Variants in TMCO5A observed in about 807,000 individuals in gnomAD.
TMCO5A encodes transmembrane and coiled-coil domain-containing protein 5A.
A neutral mutation model predicts 42.3 loss-of-function variants in TMCO5A; 34 were observed. The observed-to-expected ratio is 0.80, with a 90% confidence interval of 0.61 to 1.07. The LOEUF (loss-of-function observed/expected upper bound fraction) is 1.07. Ranked by LOEUF, TMCO5A falls within the 50% of genes least tolerant of loss-of-function variation. The probability of loss-of-function intolerance (pLI) is 0.00; values close to 1 mark genes in which losing one functional copy is unlikely to be tolerated. For synonymous variants in TMCO5A, 131 were observed against 115.6 expected, an observed-to-expected ratio of 1.13 and a Z score of -0.86; for missense variants, 357 against 327.9, an observed-to-expected ratio of 1.09 and a Z score of -0.69.
At chr15:37,977,879 TG>T in the TMCO5A span, among the ~76,000 whole-genome samples, 1 of 152,072 alleles carries the variant, frequency 6.6e-6, no homozygotes, top group African/African-American at 2.4e-5. Context: ...GGGCTTAACC[TG>T]GGGGCCCTGT....
At chr15:38,005,319 T>C in the TMCO5A span, among the ~76,000 whole-genome samples, 28 of 126,420 alleles carry the variant, frequency 2.2e-4, 1 homozygote, top group Middle Eastern at 5.7e-3. Flanking sequence ...CTTATGCCTA[T>C]AATCCCAGTT....
rs1215727847 is a variant in TMCO5A at position 37,966,923 on chromosome 15, G to A, written c.*280G>A. Reference sequence around the variant, plus strand: ...GGGAATGACCTAAACTATATGAAATGCATTTCTCCCACTAAAAGGGGCTCA... The same window carrying A: ...GGGAATGACCTAAACTATATGAAATACATTTCTCCCACTAAAAGGGGCTCA... On this transcript the variant is annotated 3_prime_UTR_variant, in exon 12 of 12. Transcript: ENST00000559502. The A allele has an allele frequency of 8.6e-6, 4 of 466,192 alleles. No individual in the cohort carries two copies. In the East Asian group the frequency reaches 1.3e-4, roughly 16 times the overall value. The allele number at this position is 466,192 out of a possible 1,614,324, so 28.9% of individuals were successfully genotyped here.
the TMCO5A span, among the ~76,000 whole-genome samples, chr15:38,012,769 G>A: frequency 6.6e-5 from 10 of 152,148 alleles, no homozygotes; most frequent in East Asian, 1.9e-4. Flanking sequence ...TTCTTTCTTC[G>A]GCTTCCTGTC....
Position 37,959,056 on chromosome 15 carries a change from G to A in TMCO5A, c.669-7569G>A, listed in dbSNP as rs560716079. Among the ~76,000 whole-genome samples the A allele has an allele frequency of 3.3e-5, 5 of 152,130 alleles. No individual in the cohort carries two copies. In the South Asian group the frequency reaches 1.0e-3, roughly 32 times the overall value. On this transcript the variant is annotated intron_variant, in intron 11 of 11. Coordinates refer to the TMCO5A transcript ENST00000559502. Reference sequence around the variant, plus strand: ...ACACCATATGTTCTCACTCATAAGTGGGAGTTGAACAAGAGAACACATGGA... The same window carrying A: ...ACACCATATGTTCTCACTCATAAGTAGGAGTTGAACAAGAGAACACATGGA...
the TMCO5A span, among the ~76,000 whole-genome samples, chr15:37,991,763 T>A: frequency 1.4e-3 from 218 of 152,268 alleles, no homozygotes; most frequent in Middle Eastern, 3.4e-3. Context: ...GGGAAAGGAC[T>A]CCCTATTCAA....
downstream of TMCO5A, among the ~76,000 whole-genome samples, chr15:37,968,032 G>C (rs1260478925): frequency 6.6e-6 from 1 of 152,186 alleles, no homozygotes; most frequent in Admixed American, 6.5e-5. Context: ...AGGATGTATT[G>C]TTACCTTCTA....
At chr15:37,954,612 G>C (rs187547989), downstream of TMCO5A, among the ~76,000 whole-genome samples, 63 of 152,052 alleles carry the variant, frequency 4.1e-4, no homozygotes, top group East Asian at 0.012. Context: ...TTATCTGAAG[G>C]TACAAAACTA....
At chr15:38,002,228 C>CA in the TMCO5A span, among the ~76,000 whole-genome samples, 1 of 148,876 alleles carries the variant, frequency 6.7e-6, no homozygotes, top group Non-Finnish European at 1.5e-5. Flanking sequence ...TTTCCTTCTG[C>CA]ATGTTACTTA....
the TMCO5A span, chr15:37,994,667 G>A: frequency 3.9e-5 from 6 of 152,154 alleles, no homozygotes; most frequent in African/African-American, 1.4e-4. Context: ...TGCCTACAGA[G>A]GAAAGCTTCA....
At chr15:37,941,559 A>G in intron 7 of TMCO5A, 112 bp from the exon 8 acceptor site, 1 of 826,910 alleles carries the variant, frequency 1.2e-6, no homozygotes, top group Non-Finnish European at 2.0e-6. Context: ...AAACATATTT[A>G]GAACAATTAG....
At chr15:37,944,934 G>C (rs1889886205) in intron 10 of TMCO5A, among the ~76,000 whole-genome samples, 1 of 152,022 alleles carries the variant, frequency 6.6e-6, no homozygotes, top group Non-Finnish European at 1.5e-5. Context: ...AGGTAAACGT[G>C]TGCCATGGTG....
At chr15:37,973,774 A>C in the TMCO5A span, among the ~76,000 whole-genome samples, 2 of 152,128 alleles carry the variant, frequency 1.3e-5, no homozygotes, top group African/African-American at 4.8e-5. Flanking sequence ...CTCTTGCCTG[A>C]TTGCTCTGGC....
chr15:38,032,232 G>A, the TMCO5A span, among the ~76,000 whole-genome samples: 4 of 152,192 alleles, frequency 2.6e-5, no homozygotes, highest in Non-Finnish European at 5.9e-5. Context: ...TGGGATTACA[G>A]GCATGAGCCA....
chr15:37,970,200 G>A (rs889738271), downstream of TMCO5A, among the ~76,000 whole-genome samples: 3 of 152,216 alleles, frequency 2.0e-5, no homozygotes, highest in Non-Finnish European at 4.4e-5. Flanking sequence ...ACAAAAGAAG[G>A]AGGCTTATTG....
At chr15:37,975,133 T>C in the TMCO5A span, among the ~76,000 whole-genome samples, 1 of 152,346 alleles carries the variant, frequency 6.6e-6, no homozygotes, top group South Asian at 2.1e-4. Flanking sequence ...GTTTTTTAAA[T>C]TTGCTAAGGA....
the TMCO5A span, among the ~76,000 whole-genome samples, chr15:38,003,213 CCAAA>C: frequency 4.2e-5 from 4 of 94,972 alleles, no homozygotes; most frequent in Non-Finnish European, 6.2e-5. Context: ...TGACTTTCTC[CCAAA>C]CAGAGTCTCT....
intron 11 of TMCO5A, among the ~76,000 whole-genome samples, chr15:37,949,681 G>A (rs1340531098): frequency 6.6e-6 from 1 of 151,048 alleles, no homozygotes; most frequent in East Asian, 1.9e-4. Context: ...CAAAAGGCAA[G>A]CCCAGATGTG....
chr15:38,005,003 C>T, the TMCO5A span, among the ~76,000 whole-genome samples: 12 of 152,140 alleles, frequency 7.9e-5, no homozygotes, highest in African/African-American at 2.9e-4. Flanking sequence ...ACAGAATTCT[C>T]ATGTGACAAT....
At chr15:38,008,907 C>T in the TMCO5A span, among the ~76,000 whole-genome samples, 7 of 152,086 alleles carry the variant, frequency 4.6e-5, no homozygotes, top group Admixed American at 1.3e-4. Context: ...TCATAATGAG[C>T]AATAAAAACA....
Sources: gnomAD v4.1 joint callset for allele counts (sites outside exome capture counted in the v4.1 genomes callset) on GRCh38, gnomAD v4.1.1 for gene constraint, MANE v1.5 for transcripts, NCBI Gene and HGNC (gene_info 2026-07-23, HGNC 2026-07-21) for gene names.